The following CRISPLD2 variants were observed in gnomAD, a reference collection of about 807,000 sequenced individuals.
The protein encoded by CRISPLD2 is cysteine-rich secretory protein LCCL domain-containing 2.
In CRISPLD2, 47 loss-of-function variants were observed where a neutral mutation model predicts 71.1. The observed-to-expected ratio is 0.66, with a 90% CI of 0.52 to 0.84. The LOEUF (loss-of-function observed/expected upper bound fraction) is 0.84. CRISPLD2 is among the 40% of genes least tolerant of loss of function. The pLI is 0.00. For missense variants in CRISPLD2, 830 were observed against 651.1 expected (o/e 1.27, Z -2.99); for synonymous variants, 317 against 250.1 (o/e 1.27, Z -2.52).
chr16:84,840,475 A>G (rs1916739893), intron 2 of CRISPLD2, among the ~76,000 whole-genome samples: 1 of 152,182 alleles, frequency 6.6e-6, no homozygotes, highest in Middle Eastern at 3.2e-3. Flanking sequence ...AAACCTGCAC[A>G]TAGAAGGTGC....
At chr16:84,853,818 C>T (rs1917156804) in intron 5 of CRISPLD2, among the ~76,000 whole-genome samples, 1 of 152,242 alleles carries the variant, frequency 6.6e-6, no homozygotes, top group African/African-American at 2.4e-5. Context: ...AGCCCTGCTG[C>T]CGTGATCCCA....
At chr16:84,871,528 G>T (rs1319154279) in intron 8 of CRISPLD2, among the ~76,000 whole-genome samples, 1 of 152,150 alleles carries the variant, frequency 6.6e-6, no homozygotes, top group African/African-American at 2.4e-5. Flanking sequence ...GATGGAGTCA[G>T]ACTCTTTCTT....
intron 1 of CRISPLD2, chr16:84,836,403 T>C (rs1026415647): frequency 6.6e-6 from 1 of 152,168 alleles, no homozygotes; most frequent in South Asian, 2.1e-4. Flanking sequence ...CCTGAGAAGT[T>C]CTGCATTCTT....
intron 13 of CRISPLD2, among the ~76,000 whole-genome samples, chr16:84,882,371 AGCAAG>A (rs2071576468): frequency 8.8e-6 from 1 of 114,184 alleles, no homozygotes; most frequent in African/African-American, 3.7e-5. Flanking sequence ...AAAAAAAAAA[AGCAAG>A]AACTTAATGG....
intron 1 of CRISPLD2, among the ~76,000 whole-genome samples, chr16:84,827,070 C>T (rs1357241272): frequency 3.3e-5 from 5 of 152,080 alleles, no homozygotes; most frequent in Non-Finnish European, 7.4e-5. Flanking sequence ...CACAAAGCGC[C>T]GTAGCCCCGG....
intron 2 of CRISPLD2, among the ~76,000 whole-genome samples, chr16:84,845,078 C>A (rs1916875687): frequency 6.6e-6 from 1 of 152,216 alleles, no homozygotes; most frequent in Admixed American, 6.5e-5. Context: ...CTGCTGTGGT[C>A]CACACATAAC....
At position 84,868,863 on chromosome 16, in the gene CRISPLD2, G is replaced by C. The variant is rs1917614629; in HGVS notation, c.866G>C (p.Arg289Thr). 6.2e-7 allele frequency: 1 copy of C among 1,612,108 alleles called. No homozygotes were observed. The highest frequency in any genetic ancestry group is 8.5e-7 in the Non-Finnish European group (1 of 1,179,248). ...ATTTCTCTCCTAGCCCAAGTCGTCA[G>C]ATGTGACACCAAGATGAAGGACAGG... ...SAVNYMTQVVRCDTKMKDRCK... is the reference protein window; with the variant it reads ...SAVNYMTQVVTCDTKMKDRCK... The change falls in exon 8 of 15, where the codon AGA becomes ACA. Residue 289 changes from arginine to threonine, a missense_variant. Physicochemically the swap from Arg to Thr is moderately conservative, Grantham distance 71. Transcript: ENST00000262424.
intron 11 of CRISPLD2, 123 bp from the exon 12 acceptor site, chr16:84,877,315 G>C (rs960804565): frequency 5.0e-6 from 4 of 806,288 alleles, no homozygotes; most frequent in Non-Finnish European, 6.0e-6. Flanking sequence ...CGTAGTCCCA[G>C]CTCTATTCAA....
intron 1 of CRISPLD2, among the ~76,000 whole-genome samples, chr16:84,824,930 C>T (rs1916313034): frequency 6.6e-6 from 1 of 151,646 alleles, no homozygotes; most frequent in Non-Finnish European, 1.5e-5. Flanking sequence ...AAGGTGAAAC[C>T]CCATCTCTAC....
intron 11 of CRISPLD2, among the ~76,000 whole-genome samples, chr16:84,877,053 G>A (rs527396128): frequency 6.6e-6 from 1 of 152,272 alleles, no homozygotes; most frequent in East Asian, 1.9e-4. Flanking sequence ...TCCTGGGAAG[G>A]GCACTCTGAG....
intron 6 of CRISPLD2, among the ~76,000 whole-genome samples, chr16:84,860,515 C>G (rs1166227192): frequency 6.6e-6 from 1 of 152,196 alleles, no homozygotes; most frequent in Admixed American, 6.5e-5. Context: ...TCAGCATTAT[C>G]TTGCCTGGCA....
chr16:84,881,842 G>A (rs1392902551), intron 13 of CRISPLD2, among the ~76,000 whole-genome samples: 2 of 151,906 alleles, frequency 1.3e-5, no homozygotes, highest in East Asian at 1.9e-4. Flanking sequence ...CCGCTTCCCC[G>A]CCATCATCTT....
At position 84,838,538 on chromosome 16, in the gene CRISPLD2, T is replaced by A; in HGVS notation, c.43T>A (p.Phe15Ile). 1.9e-6 allele frequency: 3 copies of A among 1,614,206 alleles called. No individual in the cohort carries two copies. Among genetic ancestry groups the A allele is most frequent in the Non-Finnish European group, 2.5e-6 (3 of 1,180,028 alleles). The stretch of plus-strand genomic sequence containing the variant: ...TGGTGTCATCCCCTTGGGGCTGCTG[T>A]TCCTGGTCTGCGGATCCCAAGGCTA... ...LGGVIPLGLL[F>I]LVCGSQGYLL... Residue 15 changes from phenylalanine to isoleucine, a missense_variant, in exon 2 of 15, where the codon TTC (phenylalanine) becomes ATC (isoleucine). By Grantham distance (21) the Phe-to-Ile change is conservative. Transcript: ENST00000262424.
At chr16:84,857,754 T>G (rs534710230) in intron 6 of CRISPLD2, among the ~76,000 whole-genome samples, 85 of 152,308 alleles carry the variant, frequency 5.6e-4, no homozygotes, top group African/African-American at 2.0e-3. Flanking sequence ...GAACTCCCCA[T>G]GAGGCCATTG....
chr16:84,833,063 C>G lies in CRISPLD2; in HGVS notation c.-74-5359C>G, dbSNP rs140409928. Among the ~76,000 whole-genome samples the G allele has an allele frequency of 2.1e-3, 326 of 152,348 alleles. No individual in the cohort carries two copies. In the Middle Eastern group the frequency reaches 0.037, roughly 17 times the overall value. ...AGTTTGAGTTCAAGTCTTGGTTTCACTTTAAACTAGCCACACAGTCTCCTA... is the reference window on the plus strand; with the variant it reads ...AGTTTGAGTTCAAGTCTTGGTTTCAGTTTAAACTAGCCACACAGTCTCCTA... On this transcript the variant is annotated intron_variant, in intron 1 of 14. Coordinates refer to ENST00000262424, the MANE Select transcript of CRISPLD2 (RefSeq NM_031476.4).
chr16:84,876,348 A>G (rs1413301287), intron 11 of CRISPLD2, among the ~76,000 whole-genome samples: 1 of 152,084 alleles, frequency 6.6e-6, no homozygotes, highest in Non-Finnish European at 1.5e-5. Context: ...CTAAAAATAC[A>G]AAAATTATCC....
intron 1 of CRISPLD2, among the ~76,000 whole-genome samples, chr16:84,834,028 C>T (rs1385844045): frequency 6.6e-6 from 1 of 152,208 alleles, no homozygotes; most frequent in Non-Finnish European, 1.5e-5. Flanking sequence ...GGGCACTAAG[C>T]CAAGGGCATA....
At chr16:84,824,244 C>T (rs11859343) in intron 1 of CRISPLD2, among the ~76,000 whole-genome samples, 36,265 of 152,060 alleles carry the variant, frequency 0.24, 5,045 homozygotes, top group East Asian at 0.59. Flanking sequence ...CTGTAGTCTA[C>T]GAGCCAGGCT....
intron 6 of CRISPLD2, among the ~76,000 whole-genome samples, chr16:84,866,444 C>T (rs1917539959): frequency 6.6e-6 from 1 of 152,138 alleles, no homozygotes; most frequent in Non-Finnish European, 1.5e-5. Context: ...CCATGTTAGC[C>T]AGGCTGGTGT....
Sources: gnomAD v4.1 joint callset for allele counts (sites outside exome capture counted in the v4.1 genomes callset) on GRCh38, gnomAD v4.1.1 for gene constraint, MANE v1.5 for transcripts, NCBI Gene and HGNC (gene_info 2026-07-23, HGNC 2026-07-21) for gene names.